Variants in DOCK6 observed in about 807,000 individuals in gnomAD.
DOCK6 encodes the protein dedicator of cytokinesis protein 6.
DOCK6 carries 167 observed loss-of-function variants against 230.3 expected under a neutral mutation model. The ratio of observed to expected loss-of-function variants is 0.73; its 90% CI spans 0.64 to 0.82. The LOEUF is 0.82. Among genes scored for constraint, DOCK6 ranks in the 40% least tolerant of loss-of-function variants. The pLI, the probability that DOCK6 is intolerant of heterozygous loss-of-function variation, is 0.00. For synonymous variants in DOCK6, 1,148 were observed against 1,185.0 expected, an observed-to-expected ratio of 0.97 and a Z score of 0.64; for missense variants, 2,598 against 2,825.8, an observed-to-expected ratio of 0.92 and a Z score of 1.83.
chr19:11,213,435 T>A, intron 34 of DOCK6, 107 bp from the exon 35 acceptor site: 2 of 1,468,810 alleles, frequency 1.4e-6, no homozygotes, highest in Non-Finnish European at 1.8e-6. Context: ...TGTTCTGTCC[T>A]CTTTGGCCAA....
intron 14 of DOCK6, chr19:11,240,215 AC>A (rs771663022): frequency 1.3e-6 from 2 of 1,566,584 alleles, no homozygotes; most frequent in Non-Finnish European, 1.7e-6. Flanking sequence ...AGAAGGTGCT[AC>A]GGGACAGCGT....
chr19:11,254,669 A>G (rs1599292023), intron 1 of DOCK6, among the ~76,000 whole-genome samples: 2 of 151,528 alleles, frequency 1.3e-5, no homozygotes, highest in South Asian at 4.2e-4. Flanking sequence ...GCAACAGAGC[A>G]AGACTTTGTC....
chr19:11,227,375 C>A lies in DOCK6; in HGVS notation c.2917G>T (p.Gly973Cys). The change falls in exon 24 of 48, where the codon GGC (glycine) becomes TGC (cysteine). Residue 973 changes from glycine to cysteine, a missense_variant. Coordinates refer to ENST00000294618, the MANE Select transcript of DOCK6 (RefSeq NM_020812.4). The stretch of plus-strand genomic sequence containing the variant: ...GTGATGACCTCCAGGCCCACAGAGC[C>A]CACCAAGGCAGTGATGTCGTCCAGG... ...RFLDDITALV[G>C]SVGLEVITRV... The A allele has an allele frequency of 6.2e-7, 1 of 1,613,898 alleles. No individual in the cohort carries two copies. Among genetic ancestry groups the A allele is most frequent in the Non-Finnish European group, 8.5e-7 (1 of 1,179,898 alleles).
At chr19:11,234,869 A>G (rs2079822330) in intron 21 of DOCK6, among the ~76,000 whole-genome samples, 1 of 152,224 alleles carries the variant, frequency 6.6e-6, no homozygotes, top group Non-Finnish European at 1.5e-5. Flanking sequence ...CAAACCAGCC[A>G]AGGCCTGTGA....
intron 39 of DOCK6, among the ~76,000 whole-genome samples, chr19:11,204,601 AC>A (rs1444515622): frequency 6.6e-6 from 1 of 152,080 alleles, no homozygotes; most frequent in Non-Finnish European, 1.5e-5. Context: ...GTGTAGTGGT[AC>A]AATCATAGCT....
intron 28 of DOCK6, among the ~76,000 whole-genome samples, chr19:11,218,178 G>A (rs2079524648): frequency 6.6e-6 from 1 of 151,778 alleles, no homozygotes; most frequent in African/African-American, 2.4e-5. Context: ...ATACAGTCTT[G>A]CTTTGTCACA....
At chr19:11,211,692 C>T in intron 37 of DOCK6, 84 bp downstream of exon 37, 1 of 1,128,384 alleles carries the variant, frequency 8.9e-7, no homozygotes. Context: ...CTCCTCACCT[C>T]CTTAGACATC....
intron 7 of DOCK6, 56 bp downstream of exon 7, chr19:11,248,010 G>A (rs935510045): frequency 1.2e-5 from 18 of 1,499,088 alleles, no homozygotes; most frequent in South Asian, 3.6e-5. Context: ...GTACCCCGCC[G>A]GAACCCATGT....
intron 22 of DOCK6, among the ~76,000 whole-genome samples, chr19:11,232,502 CT>C (rs1489080965): frequency 6.6e-6 from 1 of 152,112 alleles, no homozygotes; most frequent in Admixed American, 6.5e-5. Flanking sequence ...ATACACACCC[CT>C]GTAAGTCTGT....
Position 11,243,080 on chromosome 19 carries a change from G to T in DOCK6, c.1459C>A (p.Arg487=). The T allele has an allele frequency of 6.2e-7, 1 of 1,613,940 alleles. No homozygotes were observed. ...ADMRRPSSLL[R]RLRPVTAQLK... ...GCACCAGTCACAGGACGTAGTCGCC[G>T]CAGCAGGGACGACGGGCGCCTCATG... Residue 487 remains arginine (R), a synonymous_variant, in exon 13 of 48, where the codon CGG becomes AGG. Transcript: ENST00000294618. The surrounding 1 kb of genome is among the most constrained non-coding windows in gnomAD (Gnocchi z 6.3).
At chr19:11,223,206 A>G in intron 24 of DOCK6, 100 bp from the exon 25 acceptor site, 1 of 1,062,066 alleles carries the variant, frequency 9.4e-7, no homozygotes. Context: ...GAGCTGTATC[A>G]CTGCCCCAAA....
In DOCK6 at chr19:11,200,436, C is replaced by T; in HGVS notation, c.5973G>A (p.Leu1991=). 2 of 1,611,624 alleles carry T rather than the reference C, an allele frequency of 1.2e-6. No homozygotes were observed. The highest frequency in any genetic ancestry group is 1.7e-6 in the Non-Finnish European group (2 of 1,178,994). The change falls in exon 47 of 48, where the codon CTG becomes CTA. Residue 1991 remains leucine (L), a synonymous_variant. Coordinates refer to ENST00000294618, the MANE Select transcript of DOCK6 (RefSeq NM_020812.4). The surrounding 1 kb of genome is among the most constrained non-coding windows in gnomAD (Gnocchi z 4.3). ...CEDALRKNKA[L]IGPDQKEYHR... is the part of the protein sequence containing the mutation. ...GGTACTCCTTCTGGTCCGGCCCAAT[C>T]AGGGCCTTATTTTTCCGCAGCGCAT...
intron 32 of DOCK6, 74 bp downstream of exon 32, chr19:11,215,313 C>T: frequency 7.1e-7 from 1 of 1,399,608 alleles, no homozygotes; most frequent in Middle Eastern, 1.8e-4. Context: ...TCTCGAACTC[C>T]TGGACTCAAG....
intron 5 of DOCK6, 68 bp from the exon 6 acceptor site, chr19:11,251,154 T>C (rs2080112584): frequency 6.9e-7 from 1 of 1,446,750 alleles, no homozygotes; most frequent in East Asian, 2.5e-5. Context: ...CTGGTGAGAG[T>C]GTCCTCATAC....
chr19:11,245,021 T>A (rs1485174904), intron 9 of DOCK6, among the ~76,000 whole-genome samples: 1 of 152,132 alleles, frequency 6.6e-6, no homozygotes, highest in East Asian at 1.9e-4. Flanking sequence ...CCCTATCCAC[T>A]CTGTGCCTCA....
intron 24 of DOCK6, among the ~76,000 whole-genome samples, chr19:11,223,379 A>G (rs1423323930): frequency 6.6e-6 from 1 of 152,076 alleles, no homozygotes; most frequent in Non-Finnish European, 1.5e-5. Context: ...GAGAGACTAT[A>G]TTTCCCAGCC....
chr19:11,202,601 T>C lies in DOCK6; in HGVS notation c.5344A>G (p.Ile1782Val). ...KEPSITKLAEISHRLEEFYTE... is the reference protein window; with the variant it reads ...KEPSITKLAEVSHRLEEFYTE... Reference sequence around the variant, plus strand: ...GGACGTGCCTCCAGCCGGTGTGAGATCTCTGCCAGCTTCGTGATCGATGGC... The same window carrying C: ...GGACGTGCCTCCAGCCGGTGTGAGACCTCTGCCAGCTTCGTGATCGATGGC... Residue 1782 changes from isoleucine to valine, a missense_variant, in exon 42 of 48, where the codon ATC becomes GTC. Ile to Val is a conservative substitution (Grantham distance 29). Transcript: ENST00000294618. The surrounding 1 kb of genome is among the most constrained non-coding windows in gnomAD (Gnocchi z 5.3). 6.2e-7 allele frequency: 1 copy of C among 1,613,890 alleles called. No homozygotes were observed. The highest frequency in any genetic ancestry group is 1.7e-5 in the Admixed American group (1 of 60,012).
intron 21 of DOCK6, 145 bp from the exon 22 acceptor site, chr19:11,233,511 C>T (rs936978754): frequency 3.7e-6 from 4 of 1,078,018 alleles, no homozygotes; most frequent in South Asian, 1.7e-5. Flanking sequence ...TAATGGCTGC[C>T]GCCTCACAGA....
At chr19:11,229,708 A>C (rs991134008) in intron 22 of DOCK6, among the ~76,000 whole-genome samples, 1 of 151,840 alleles carries the variant, frequency 6.6e-6, no homozygotes, top group Non-Finnish European at 1.5e-5. Flanking sequence ...GTCAAGATCA[A>C]GGTGTGTGGG....
Sources: allele counts gnomAD v4.1 joint callset (sites outside exome capture counted in the v4.1 genomes callset), GRCh38; gene constraint gnomAD v4.1.1; non-coding constraint Gnocchi (gnomAD v3.1); transcripts MANE v1.5; gene names NCBI Gene and HGNC (gene_info 2026-07-23, HGNC 2026-07-21).